The following RHOF variants were observed in gnomAD, a reference collection of about 807,000 sequenced individuals.
The protein encoded by RHOF is rho-related GTP-binding protein RhoF.
A neutral mutation model predicts 22.2 loss-of-function variants in RHOF; 21 were observed. That is an observed-to-expected ratio of 0.95 (90% CI 0.67 to 1.36). RHOF has a LOEUF of 1.36. Among genes scored for constraint, RHOF ranks in the 40% most tolerant of loss-of-function variants. The pLI is 0.00. For synonymous variants in RHOF, 135 were observed against 131.2 expected, an observed-to-expected ratio of 1.03 and a Z score of -0.20; for missense variants, 285 against 293.7, an observed-to-expected ratio of 0.97 and a Z score of 0.22.
Position 121,779,015 on chromosome 12 carries a change from C to A in RHOF, c.*483G>T, listed in dbSNP as rs548011328. On this transcript the variant is annotated 3_prime_UTR_variant, in exon 5 of 5. Transcript: ENST00000267205. The stretch of plus-strand genomic sequence containing the variant: ...TGTGTCCTCCTGATAGGCCCAGCCC[C>A]CTCGGTGGCCTCCGTGTTCCTGGGG... The A allele has an allele frequency of 1.8e-3, 292 of 161,910 alleles. 3 individuals are homozygous for A. Among genetic ancestry groups the A allele is most frequent in the African/African-American group, 6.8e-3 (283 of 41,784 alleles). The allele number at this position is 161,910 out of a possible 1,614,324, so 10.0% of individuals were successfully genotyped here. A position where few individuals can be genotyped will look rare whatever the true frequency, so the allele number is the denominator to read the frequency against.
At chr12:121,786,372 G>A (rs922300506) in intron 2 of RHOF, among the ~76,000 whole-genome samples, 21 of 152,240 alleles carry the variant, frequency 1.4e-4, no homozygotes, top group East Asian at 9.7e-4. Context: ...TTCCACTCTC[G>A]TCACACACAG....
chr12:121,787,031 C>CT (rs1029822564), intron 2 of RHOF, among the ~76,000 whole-genome samples: 4 of 152,174 alleles, frequency 2.6e-5, no homozygotes, highest in African/African-American at 9.7e-5. Context: ...CAGCGAGACT[C>CT]TGTCTCAAAA....
chr12:121,779,693 A>AG, intron 4 of RHOF, 31 bp from the exon 5 acceptor site: 1 of 1,611,826 alleles, frequency 6.2e-7, no homozygotes, highest in South Asian at 1.1e-5. Context: ...GCATTAGGTG[A>AG]GGGGCCCCTG....
At chr12:121,792,575 T>C (rs1286185988) in intron 2 of RHOF, among the ~76,000 whole-genome samples, 1 of 152,224 alleles carries the variant, frequency 6.6e-6, no homozygotes, top group Non-Finnish European at 1.5e-5. Flanking sequence ...ACAGAAGTAA[T>C]TGTAGCCACG....
At chr12:121,783,245 A>G (rs1874519474) in intron 2 of RHOF, among the ~76,000 whole-genome samples, 1 of 148,604 alleles carries the variant, frequency 6.7e-6, no homozygotes. Context: ...TGACAGCTGG[A>G]TGGATCTTAA....
At chr12:121,793,399 T>G (rs1874816983) in intron 1 of RHOF, 97 bp downstream of exon 1, 1 of 1,489,874 alleles carries the variant, frequency 6.7e-7, no homozygotes, top group Non-Finnish European at 9.0e-7. Context: ...GGCGGCCGCC[T>G]GTCCGTGCTC....
At position 121,779,554 on chromosome 12, in the gene RHOF, T is replaced by C. The variant is rs368780277; in HGVS notation, c.580A>G (p.Ser194Gly). 63 of 1,613,966 alleles carry C rather than the reference T, an allele frequency of 3.9e-5. No homozygotes were observed. Among genetic ancestry groups the C allele is most frequent in the African/African-American group, 4.0e-5 (3 of 74,946 alleles). ...TGCCGTTGCGCCTTCTTCAGAGCGC[T>C]GAGAGCCACCTTGGCGGCCTCCCGG... ...VFREAAKVAL[S>G]ALKKAQRQKK... The change falls in exon 5 of 5, where the codon AGC (serine) becomes GGC (glycine). Residue 194 changes from serine to glycine, a missense_variant. By Grantham distance (56) the Ser-to-Gly change is moderately conservative. Coordinates refer to ENST00000267205, the MANE Select transcript of RHOF (RefSeq NM_019034.3).
intron 2 of RHOF, among the ~76,000 whole-genome samples, chr12:121,786,698 T>C (rs1461009825): frequency 6.6e-6 from 1 of 152,156 alleles, no homozygotes; most frequent in East Asian, 1.9e-4. Flanking sequence ...GTCTGCCCCA[T>C]GACAGTGGCT....
chr12:121,786,418 G>A (rs1416645609), intron 2 of RHOF, among the ~76,000 whole-genome samples: 1 of 152,168 alleles, frequency 6.6e-6, no homozygotes, highest in East Asian at 1.9e-4. Flanking sequence ...ACTGGGTTTG[G>A]CAACTATGGC....
rs771618971 is a variant in RHOF at position 121,779,647 on chromosome 12, C to G, written c.487G>C (p.Glu163Gln). ...ITYMQGLSAC[E>Q]QIRAALYLEC... ...AGGTAGAGAGCAGCTCGGATCTGTTCGCAGGCGCTCAGGCCCTGGGTGGGG... is the reference window on the plus strand; with the variant it reads ...AGGTAGAGAGCAGCTCGGATCTGTTGGCAGGCGCTCAGGCCCTGGGTGGGG... Residue 163 changes from glutamate (E) to glutamine (Q), a missense_variant, in exon 5 of 5, where the codon GAA becomes CAA. Glu to Gln is a conservative substitution (Grantham distance 29, BLOSUM62 2). Coordinates refer to ENST00000267205, the MANE Select transcript of RHOF (RefSeq NM_019034.3). 6.2e-7 allele frequency: 1 copy of G among 1,613,964 alleles called. No individual in the cohort carries two copies. The highest frequency in any genetic ancestry group is 1.1e-5 in the South Asian group (1 of 91,064).
intron 2 of RHOF, among the ~76,000 whole-genome samples, chr12:121,784,271 G>C (rs1357475526): frequency 6.6e-6 from 1 of 151,826 alleles, no homozygotes; most frequent in Non-Finnish European, 1.5e-5. Context: ...CCTTGGTGAA[G>C]CGTGGTGGCT....
chr12:121,782,969 TAAAAATA>T (rs1874511649), intron 2 of RHOF: 1 of 152,040 alleles, frequency 6.6e-6, no homozygotes, highest in African/African-American at 2.4e-5. Flanking sequence ...AAAATAAAAA[TAAAAATA>T]AAAAATGAAT....
rs190102759 is a variant in RHOF at position 121,777,902 on chromosome 12, G to A, written c.*1596C>T. ...CTCCTTGGTTGATTCCCCAGGGTAC[G>A]GCAGGGCCTTGGGAACCTGGGTGGG... On this transcript the variant is annotated 3_prime_UTR_variant, in exon 5 of 5. Coordinates refer to ENST00000267205, the MANE Select transcript of RHOF (RefSeq NM_019034.3). 1 of 152,326 alleles carries A rather than the reference G, an allele frequency of 6.6e-6. No homozygotes were observed. Among genetic ancestry groups the A allele is most frequent in the Non-Finnish European group, 1.5e-5 (1 of 68,042 alleles). The allele number at this position is 152,326 out of a possible 1,614,324, so 9.4% of individuals were successfully genotyped here.
intron 2 of RHOF, among the ~76,000 whole-genome samples, chr12:121,787,146 TG>T (rs2137502172): frequency 6.6e-6 from 1 of 152,340 alleles, no homozygotes; most frequent in Non-Finnish European, 1.5e-5. Context: ...GTTGGGTCCC[TG>T]GGAACACAGG....
At chr12:121,784,270 A>G (rs1291319318) in intron 2 of RHOF, among the ~76,000 whole-genome samples, 1 of 151,796 alleles carries the variant, frequency 6.6e-6, no homozygotes, top group Non-Finnish European at 1.5e-5. Flanking sequence ...TCCTTGGTGA[A>G]GCGTGGTGGC....
At chr12:121,781,316 G>T in intron 2 of RHOF, 124 bp from the exon 3 acceptor site, 2 of 792,512 alleles carry the variant, frequency 2.5e-6, no homozygotes, top group Non-Finnish European at 2.0e-6. Flanking sequence ...TCTATACAAT[G>T]GGCAGCAAGC....
In RHOF at chr12:121,781,124, C is replaced by T; in HGVS notation, c.295G>A (p.Asp99Asn). 1 of 1,614,212 alleles carries T rather than the reference C, an allele frequency of 6.2e-7. No individual in the cohort carries two copies. Among genetic ancestry groups the T allele is most frequent in the Non-Finnish European group, 8.5e-7 (1 of 1,180,038 alleles). The change falls in exon 3 of 5, where the codon GAC (aspartate) becomes AAC (asparagine). Residue 99 changes from aspartate to asparagine, a missense_variant. Asp to Asn is a conservative substitution (Grantham distance 23). Transcript: ENST00000267205. ...TCGTAGCTGGTGGGATTCATGACGT[C>T]ATAGCAGATGAGCACGAGGTGGGTG... is the stretch of plus-strand genomic sequence containing the variant. ...QNTHLVLICY[D>N]VMNPTSYDNV... is the part of the protein sequence containing the mutation.
At chr12:121,792,033 A>G (rs905667646) in intron 2 of RHOF, among the ~76,000 whole-genome samples, 3 of 152,226 alleles carry the variant, frequency 2.0e-5, no homozygotes, top group South Asian at 4.1e-4. Context: ...GGTTGGCCCT[A>G]CAGGGCCCAC....
In RHOF at chr12:121,790,410, C is replaced by T. The variant is rs182100857; in HGVS notation, c.226+2742G>A. ...CCCTCTTGGCCTTTGCCTCTCTCTA[C>T]GTGGCCGCCTGGCCATGGCTTTCTG... On this transcript the variant is annotated intron_variant, in intron 2 of 4. Transcript: ENST00000267205. 7.9e-5 allele frequency among the ~76,000 whole-genome samples: 12 copies of T among 152,392 alleles called. No individual in the cohort carries two copies. The East Asian group carries it at 1.2e-3, about 15-fold the overall frequency.
Sources: allele counts gnomAD v4.1 joint callset (sites outside exome capture counted in the v4.1 genomes callset), GRCh38; gene constraint gnomAD v4.1.1; transcripts MANE v1.5; gene names NCBI Gene and HGNC (gene_info 2026-07-23, HGNC 2026-07-21).